TYROBP: variants seen among roughly 807,000 people sequenced by gnomAD.
The protein encoded by TYROBP is transmembrane immune signaling adaptor TYROBP.
In TYROBP, 14 loss-of-function variants were observed where a neutral mutation model predicts 17.1. The observed-to-expected ratio is 0.82, with a 90% confidence interval of 0.54 to 1.28. The LOEUF (loss-of-function observed/expected upper bound fraction) is 1.28. Ranked by LOEUF, TYROBP falls within the 50% of genes most tolerant of loss-of-function variation. The pLI is 0.00. For missense variants in TYROBP, 161 were observed against 151.4 expected (o/e 1.06, Z -0.33); for synonymous variants, 73 against 67.4 (o/e 1.08, Z -0.41).
chr19:35,904,553 C>G lies in TYROBP; in HGVS notation c.*16G>C. 6.2e-7 allele frequency: 1 copy of G among 1,612,756 alleles called. No individual in the cohort carries two copies. The highest frequency in any genetic ancestry group is 8.5e-7 in the Non-Finnish European group (1 of 1,179,240). On this transcript the variant is annotated 3_prime_UTR_variant, in exon 5 of 5. Transcript: ENST00000262629. ...CTGGATCCAGGTATCATGTTGCTGA[C>G]TGTCATGATTCGGGCTCATTTGTAA...
chr19:35,906,177 G>A (rs1337086833), intron 4 of TYROBP, among the ~76,000 whole-genome samples: 10 of 145,996 alleles, frequency 6.8e-5, no homozygotes, highest in Non-Finnish European at 1.3e-4. Flanking sequence ...TGCAACCTCC[G>A]CCCCCTGGGT....
rs756345678 is a variant in TYROBP at position 35,907,489 on chromosome 19, G to A, written c.186C>T (p.Tyr62=). ...VLTVLIALAV[Y]FLGRLVPRGR... is the part of the protein sequence containing the mutation. Reference sequence around the variant, plus strand: ...CCCGAGGGACCAGCCGGCCCAGGAAGTACACGGCCAGGGCAATGAGCACTG... The same window carrying A: ...CCCGAGGGACCAGCCGGCCCAGGAAATACACGGCCAGGGCAATGAGCACTG... The change falls in exon 3 of 5, where the codon TAC becomes TAT. Residue 62 remains tyrosine, a synonymous_variant. Transcript: ENST00000262629. The A allele has an allele frequency of 2.0e-5, 32 of 1,613,544 alleles. No individual in the cohort carries two copies. In the Admixed American group the frequency reaches 5.3e-4, roughly 27 times the overall value.
intron 4 of TYROBP, among the ~76,000 whole-genome samples, chr19:35,906,696 C>A (rs1363234763): frequency 6.6e-6 from 1 of 151,358 alleles, no homozygotes. Context: ...CTTACAAAGG[C>A]AAAGCCACCC....
intron 4 of TYROBP, among the ~76,000 whole-genome samples, chr19:35,905,683 G>A (rs191505576): frequency 1.3e-3 from 203 of 151,196 alleles, no homozygotes; most frequent in Non-Finnish European, 6.5e-4. Flanking sequence ...GGCCGGGCGC[G>A]GTGGCTCACA....
intron 4 of TYROBP, among the ~76,000 whole-genome samples, chr19:35,905,305 CA>C (rs1437660052): frequency 1.3e-5 from 2 of 152,326 alleles, no homozygotes; most frequent in African/African-American, 2.4e-5. Flanking sequence ...CTTCACACAG[CA>C]GTGTTCACAC....
At chr19:35,908,071 A>G in intron 1 of TYROBP, 97 bp downstream of exon 1, 1 of 1,122,452 alleles carries the variant, frequency 8.9e-7, no homozygotes, top group Non-Finnish European at 1.3e-6. Flanking sequence ...TCCCATCCCA[A>G]CACCCACTTT....
chr19:35,904,582 G>C lies in TYROBP; in HGVS notation c.329C>G (p.Pro110Arg). Residue 110 changes from proline (P) to arginine (R), a missense_variant, in exon 5 of 5, where the codon CCG (proline) becomes CGG (arginine). By Grantham distance (103) the Pro-to-Arg change is moderately radical (BLOSUM62 -2). Transcript: ENST00000262629. Reference sequence around the variant, plus strand: ...CATGATTCGGGCTCATTTGTAATACGGCCTCTGTGTGTTGAGGTCGCTGTA... The same window carrying C: ...CATGATTCGGGCTCATTTGTAATACCGCCTCTGTGTGTTGAGGTCGCTGTA... The part of the protein sequence containing the change: ...DVYSDLNTQR[P>R]YYK 1.9e-6 allele frequency: 3 copies of C among 1,613,514 alleles called. No homozygotes were observed. Among genetic ancestry groups the C allele is most frequent in the Non-Finnish European group, 2.5e-6 (3 of 1,179,864 alleles).
intron 1 of TYROBP, 146 bp from the exon 2 acceptor site, chr19:35,907,908 T>C: frequency 1.1e-6 from 1 of 871,030 alleles, no homozygotes; most frequent in African/African-American, 1.7e-5. Flanking sequence ...GGGGCTGGCG[T>C]CTGGGCCACC....
At position 35,904,572 on chromosome 19, in the gene TYROBP, T is replaced by A; in HGVS notation, c.339A>T (p.Lys113Asn). ...TGCTGACTGTCATGATTCGGGCTCA[T>A]TTGTAATACGGCCTCTGTGTGTTGA... is the stretch of plus-strand genomic sequence containing the variant. ...SDLNTQRPYY[K>N] Residue 113 changes from lysine (K) to asparagine (N), a missense_variant, in exon 5 of 5, where the codon AAA (lysine) becomes AAT (asparagine). Coordinates refer to ENST00000262629, the MANE Select transcript of TYROBP (RefSeq NM_003332.4). 1 of 1,613,636 alleles carries A rather than the reference T, an allele frequency of 6.2e-7. No individual in the cohort carries two copies. Among genetic ancestry groups the A allele is most frequent in the Non-Finnish European group, 8.5e-7 (1 of 1,179,900 alleles).
At chr19:35,907,699 TAGAG>T (rs1230749033) in intron 2 of TYROBP, 27 bp downstream of exon 2, 1 of 1,612,154 alleles carries the variant, frequency 6.2e-7, no homozygotes, top group South Asian at 1.1e-5. Context: ...CTCTGGGAGG[TAGAG>T]AGAGGGACTG....
intron 1 of TYROBP, 116 bp downstream of exon 1, chr19:35,908,052 G>T: frequency 1.0e-6 from 1 of 954,962 alleles, no homozygotes; most frequent in Non-Finnish European, 1.7e-6. Context: ...TGGGAGGTTG[G>T]GGACCTGCTC....
At chr19:35,907,368 T>C (rs761446440) in intron 3 of TYROBP, 78 bp downstream of exon 3, 28 of 1,607,350 alleles carry the variant, frequency 1.7e-5, no homozygotes, top group Non-Finnish European at 2.1e-5. Context: ...CTTTGGATGT[T>C]TGAGATCTGG....
At chr19:35,904,657 T>C in intron 4 of TYROBP, 23 bp from the exon 5 acceptor site, 1 of 1,608,102 alleles carries the variant, frequency 6.2e-7, no homozygotes, top group Non-Finnish European at 8.5e-7. Context: ...GGGCCATCAG[T>C]GGAAGGGACC....
At chr19:35,908,028 A>G (rs1183436429) in intron 1 of TYROBP, 140 bp downstream of exon 1, 22 of 846,288 alleles carry the variant, frequency 2.6e-5, no homozygotes, top group Non-Finnish European at 7.9e-6. Context: ...GCTCTGGGAG[A>G]AACCCACAGG....
chr19:35,907,953 G>A (rs1975771270), intron 1 of TYROBP, among the ~76,000 whole-genome samples, 191 bp from the exon 2 acceptor site: 1 of 152,132 alleles, frequency 6.6e-6, no homozygotes, highest in Non-Finnish European at 1.5e-5. Context: ...AACTTGTCCT[G>A]TGGCAACACA....
intron 1 of TYROBP, 145 bp from the exon 2 acceptor site, chr19:35,907,907 G>A (rs994072229): frequency 6.6e-5 from 58 of 875,836 alleles, no homozygotes; most frequent in South Asian, 4.1e-4. Context: ...GGGGGCTGGC[G>A]TCTGGGCCAC....
Position 35,904,464 on chromosome 19 carries a change from G to T in TYROBP, c.*105C>A. 1.7e-6 allele frequency: 2 copies of T among 1,185,776 alleles called. No individual in the cohort carries two copies. Among genetic ancestry groups the T allele is most frequent in the Non-Finnish European group, 2.5e-6 (2 of 810,678 alleles). The allele number at this position is 1,185,776 out of a possible 1,614,324, so 73.5% of individuals were successfully genotyped here. A position where few individuals can be genotyped will look rare whatever the true frequency, so the allele number is the denominator to read the frequency against. ...GGAGCGGTCTGGTCTCTCAGGGATG[G>T]CACTCTGTGGGTCTGTATCGCGGTA... On this transcript the variant is annotated 3_prime_UTR_variant, in exon 5 of 5. Coordinates refer to ENST00000262629, the MANE Select transcript of TYROBP (RefSeq NM_003332.4).
At chr19:35,907,352 C>T (rs775527423) in intron 3 of TYROBP, 88 bp from the exon 4 acceptor site, 1 of 1,605,780 alleles carries the variant, frequency 6.2e-7, no homozygotes, top group Non-Finnish European at 8.5e-7. Context: ...ACCTCCATTA[C>T]CATCCCTTTG....
At chr19:35,906,060 G>A (rs1975716292) in intron 4 of TYROBP, among the ~76,000 whole-genome samples, 1 of 151,830 alleles carries the variant, frequency 6.6e-6, no homozygotes. Context: ...GCTGAGGCGG[G>A]AGGATCACTT....
Sources: gnomAD v4.1 joint callset for allele counts (sites outside exome capture counted in the v4.1 genomes callset) on GRCh38, gnomAD v4.1.1 for gene constraint, MANE v1.5 for transcripts, NCBI Gene and HGNC (gene_info 2026-07-23, HGNC 2026-07-21) for gene names.